Variants in VEGFC observed in about 807,000 individuals in gnomAD.
VEGFC encodes FLT4 ligand DHM.
Under a neutral mutation model 46.1 loss-of-function variants are expected in VEGFC, and 12 were observed. That is an observed-to-expected ratio of 0.26 (90% confidence interval 0.17 to 0.42). The LOEUF (loss-of-function observed/expected upper bound fraction) is 0.42. Ranked by LOEUF, VEGFC falls within the 10% of genes least tolerant of loss-of-function variation. VEGFC has a pLI of 1.00. For synonymous variants in VEGFC, 232 were observed against 195.5 expected (o/e 1.19, Z -1.56); for missense variants, 488 against 529.4 (o/e 0.92, Z 0.77).
chr4:176,738,673 G>A (rs186802499), intron 1 of VEGFC, among the ~76,000 whole-genome samples: 4 of 152,004 alleles, frequency 2.6e-5, no homozygotes, highest in South Asian at 2.1e-4. Context: ...CGCCAAAAGC[G>A]ATTGCAACAA....
At chr4:176,739,410 C>T (rs1387435803) in intron 1 of VEGFC, among the ~76,000 whole-genome samples, 1 of 151,724 alleles carries the variant, frequency 6.6e-6, no homozygotes, top group Non-Finnish European at 1.5e-5. Context: ...AACTATGTAG[C>T]CATAAAAAGG....
chr4:176,764,768 C>T (rs932617001), intron 1 of VEGFC, among the ~76,000 whole-genome samples: 1 of 152,140 alleles, frequency 6.6e-6, no homozygotes, highest in Non-Finnish European at 1.5e-5. Flanking sequence ...CCAGAGGATA[C>T]ACTGAATCCT....
At chr4:176,739,284 C>A (rs1263129933) in intron 1 of VEGFC, among the ~76,000 whole-genome samples, 3 of 150,244 alleles carry the variant, frequency 2.0e-5, no homozygotes, top group African/African-American at 7.4e-5. Context: ...ACCACTTGAC[C>A]CTGCAATCCC....
intron 6 of VEGFC, among the ~76,000 whole-genome samples, chr4:176,686,683 G>C (rs1301241842): frequency 6.6e-6 from 1 of 152,012 alleles, no homozygotes; most frequent in Non-Finnish European, 1.5e-5. Context: ...TCAAAACCAA[G>C]TTTAAGACAT....
chr4:176,693,011 A>T (rs1409051641), intron 4 of VEGFC, among the ~76,000 whole-genome samples: 2 of 151,672 alleles, frequency 1.3e-5, no homozygotes, highest in Non-Finnish European at 2.9e-5. Flanking sequence ...AGTCGATAAA[A>T]CCACAAAGAT....
chr4:176,759,913 A>G (rs1197977120), intron 1 of VEGFC, among the ~76,000 whole-genome samples: 2 of 152,106 alleles, frequency 1.3e-5, no homozygotes, highest in Admixed American at 1.3e-4. Context: ...AAAATTTAAA[A>G]TGTTAACATG....
At chr4:176,693,682 C>T (rs1250301170) in intron 4 of VEGFC, among the ~76,000 whole-genome samples, 1 of 145,846 alleles carries the variant, frequency 6.9e-6, no homozygotes, top group African/African-American at 2.8e-5. Flanking sequence ...CTGTCAGATT[C>T]ACCAAAGTTG....
chr4:176,744,535 C>A (rs970692778), intron 1 of VEGFC, among the ~76,000 whole-genome samples: 2 of 152,082 alleles, frequency 1.3e-5, no homozygotes, highest in East Asian at 3.9e-4. Context: ...AGGCCTGTTC[C>A]TGTATAGCCT....
At chr4:176,692,854 C>A (rs578237273) in intron 4 of VEGFC, among the ~76,000 whole-genome samples, 2 of 146,326 alleles carry the variant, frequency 1.4e-5, no homozygotes, top group South Asian at 2.1e-4. Flanking sequence ...GAGGCACCCC[C>A]CAGCAGGGGC....
chr4:176,738,012 CT>C (rs1735085421), intron 1 of VEGFC, among the ~76,000 whole-genome samples: 1 of 151,852 alleles, frequency 6.6e-6, no homozygotes, highest in Admixed American at 6.6e-5. Context: ...TGAAAGACCT[CT>C]TCAAGGAGAA....
chr4:176,747,184 T>C (rs904520020), intron 1 of VEGFC, among the ~76,000 whole-genome samples: 2 of 152,018 alleles, frequency 1.3e-5, no homozygotes, highest in African/African-American at 2.4e-5. Context: ...AACAGAAGCA[T>C]AGGGAAATGA....
At chr4:176,693,095 T>C (rs1734238505) in intron 4 of VEGFC, among the ~76,000 whole-genome samples, 1 of 152,006 alleles carries the variant, frequency 6.6e-6, no homozygotes, top group Non-Finnish European at 1.5e-5. Flanking sequence ...GAAACACAGT[T>C]CCTTACCAGC....
chr4:176,715,910 TTGAGAAACAGACAG>T (rs1734691314), intron 3 of VEGFC, among the ~76,000 whole-genome samples: 1 of 152,198 alleles, frequency 6.6e-6, no homozygotes, highest in Non-Finnish European at 1.5e-5. Flanking sequence ...TTACTTAGTC[TTGAGAAACAGACAG>T]TAATTAGAGT....
intron 3 of VEGFC, among the ~76,000 whole-genome samples, chr4:176,722,184 G>T (rs1394154247): frequency 6.6e-6 from 1 of 151,744 alleles, no homozygotes; most frequent in Non-Finnish European, 1.5e-5. Flanking sequence ...ACAAACTTCA[G>T]AAATTTCATG....
intron 1 of VEGFC, among the ~76,000 whole-genome samples, chr4:176,775,586 T>C (rs897443357): frequency 6.6e-6 from 1 of 151,654 alleles, no homozygotes; most frequent in Non-Finnish European, 1.5e-5. Context: ...TTATAGGCCA[T>C]GTATTGTATT....
chr4:176,723,214 G>A (rs1734817133), intron 3 of VEGFC, among the ~76,000 whole-genome samples: 1 of 152,000 alleles, frequency 6.6e-6, no homozygotes. Flanking sequence ...TTATCTGTAA[G>A]AGAAACAGAT....
In VEGFC at chr4:176,740,427, TTA is replaced by T. The variant is rs1169713428; in HGVS notation, c.148-10683_148-10682del. Among the ~76,000 whole-genome samples, 44 of 31,234 alleles carry T rather than the reference TTA, an allele frequency of 1.4e-3. 3 individuals are homozygous for T. The South Asian group carries it at 0.035, about 25-fold the overall frequency. The allele number at this position is 31,234 out of a possible 152,430, so 20.5% of individuals were successfully genotyped here. A position where few individuals can be genotyped will look rare whatever the true frequency, so the allele number is the denominator to read the frequency against. On this transcript the variant is annotated intron_variant, in intron 1 of 6. Transcript: ENST00000618562. ...ATAGTTATATATATTCTATATATAG[TTA>T]TATATATATTCTATATAGAGTATAT... is the stretch of plus-strand genomic sequence containing the variant.
chr4:176,733,002 A>C lies in VEGFC; in HGVS notation c.148-3256T>G, dbSNP rs187002068. Among the ~76,000 whole-genome samples, 204 of 152,054 alleles carry C rather than the reference A, an allele frequency of 1.3e-3. 1 individual carries two copies. Among genetic ancestry groups the C allele is most frequent in the Non-Finnish European group, 2.3e-3 (158 of 67,896 alleles). On this transcript the variant is annotated intron_variant, in intron 1 of 6. Coordinates refer to ENST00000618562, the MANE Select transcript of VEGFC (RefSeq NM_005429.5). ...TCACCAAAGAAGATAAGCAGTTTAC[A>C]AACCAACAAAAAGAAGTAATATAAT...
At chr4:176,689,730 T>A (rs1485766) in intron 4 of VEGFC, 14 of 151,972 alleles carry the variant, frequency 9.2e-5, no homozygotes, top group Admixed American at 1.3e-4. Flanking sequence ...TTTTGATTGC[T>A]GTGTTATTTG....
Sources: allele counts gnomAD v4.1 joint callset (sites outside exome capture counted in the v4.1 genomes callset), GRCh38; gene constraint gnomAD v4.1.1; transcripts MANE v1.5; gene names NCBI Gene and HGNC (gene_info 2026-07-23, HGNC 2026-07-21).